Variants in CUX1 observed in about 807,000 individuals in gnomAD.
The protein encoded by CUX1 is protein CASP.
A neutral mutation model predicts 158.8 loss-of-function variants in CUX1; 31 were observed. That is an observed-to-expected ratio of 0.20 (90% CI 0.15 to 0.26). The LOEUF (loss-of-function observed/expected upper bound fraction) is 0.26, where lower values mean the gene tolerates loss of function less well. Ranked by LOEUF, CUX1 falls within the 10% of genes least tolerant of loss-of-function variation. The probability of loss-of-function intolerance (pLI) is 1.00; values close to 1 mark genes in which losing one functional copy is unlikely to be tolerated. For missense variants in CUX1, 1,589 were observed against 2,014.6 expected (o/e 0.79, Z 4.04); for synonymous variants, 879 against 862.1 (o/e 1.02, Z -0.34).
At chr7:102,044,457 C>T (rs1208318946) in intron 3 of CUX1, among the ~76,000 whole-genome samples, 6 of 151,102 alleles carry the variant, frequency 4.0e-5, no homozygotes, top group Admixed American at 3.3e-4. Context: ...CCCAAAGTGC[C>T]GGGATTACAG....
chr7:102,014,375 A>C lies in CUX1; in HGVS notation c.142-13723A>C, dbSNP rs578078983. ...AAACAGCACACATCCTGAGAATTGC[A>C]AAGTTGGGCATAGAGATCAATACAA... On this transcript the variant is annotated intron_variant, in intron 2 of 23. Transcript: ENST00000292535. 2.0e-5 allele frequency among the ~76,000 whole-genome samples: 3 copies of C among 152,322 alleles called. No homozygotes were observed. In the South Asian group the frequency reaches 6.2e-4, roughly 32 times the overall value.
intron 1 of CUX1, among the ~76,000 whole-genome samples, chr7:101,915,744 G>A (rs1804117390): frequency 6.6e-6 from 1 of 152,210 alleles, no homozygotes; most frequent in African/African-American, 2.4e-5. Context: ...GGAAGAAGAG[G>A]CGTGGAGCAA....
chr7:102,164,735 T>C (rs1454254572), intron 9 of CUX1, among the ~76,000 whole-genome samples: 1 of 152,224 alleles, frequency 6.6e-6, no homozygotes, highest in African/African-American at 2.4e-5. Flanking sequence ...GGAGTCGAGA[T>C]GTTCACTGTA....
At chr7:102,045,504 G>A (rs566987245) in intron 3 of CUX1, among the ~76,000 whole-genome samples, 5 of 150,690 alleles carry the variant, frequency 3.3e-5, no homozygotes, top group Admixed American at 1.3e-4. Context: ...TTAAAGACCC[G>A]GAGCTGCTTT....
At chr7:102,266,043 A>C (rs1465014939) in intron 14 of CUX1, among the ~76,000 whole-genome samples, 1 of 151,962 alleles carries the variant, frequency 6.6e-6, no homozygotes, top group Non-Finnish European at 1.5e-5. Flanking sequence ...GTCTCTACTA[A>C]AAATACAAAA....
chr7:102,252,644 T>C lies in CUX1; in HGVS notation c.*3602T>C. 1.0e-6 allele frequency: 1 copy of C among 985,412 alleles called. No homozygotes were observed. The highest frequency in any genetic ancestry group is 4.7e-5 in the South Asian group (1 of 21,288). The allele number at this position is 985,412 out of a possible 1,614,324, so 61.0% of individuals were successfully genotyped here. A position where few individuals can be genotyped will look rare whatever the true frequency, so the allele number is the denominator to read the frequency against. On this transcript the variant is annotated 3_prime_UTR_variant, in exon 24 of 24. Transcript: ENST00000292535. ...CCCGGAGTTCCGGCCCAAGCTCCCT[T>C]GTGATAGCCGAGATGGCAGGTGTGT...
rs535486140 is a variant in CUX1, at chr7:101,904,934, C to A, written c.31-11181C>A. Among the ~76,000 whole-genome samples the A allele has an allele frequency of 1.1e-4, 17 of 152,298 alleles. No individual in the cohort carries two copies. The South Asian group carries it at 3.3e-3, about 30-fold the overall frequency. ...TACGAGGTGGAGTCAGATTGAATAG[C>A]AAGAGGAAGAGAAACTGACATCCAC... On this transcript the variant is annotated intron_variant, in intron 1 of 23. Coordinates refer to ENST00000292535, the MANE Select transcript of CUX1 (RefSeq NM_181552.4).
chr7:101,821,628 G>A (rs966643013), intron 1 of CUX1, among the ~76,000 whole-genome samples: 18 of 146,558 alleles, frequency 1.2e-4, no homozygotes, highest in African/African-American at 2.0e-4. Flanking sequence ...GTGAGCCACC[G>A]TGCCCGGCCC....
chr7:101,994,847 T>C (rs1815632573), intron 2 of CUX1, among the ~76,000 whole-genome samples: 1 of 147,090 alleles, frequency 6.8e-6, no homozygotes, highest in Non-Finnish European at 1.5e-5. Flanking sequence ...CCCAGCACTT[T>C]GGAAGGCTGA....
chr7:101,860,655 T>C (rs145581687), intron 1 of CUX1, among the ~76,000 whole-genome samples: 149 of 152,206 alleles, frequency 9.8e-4, no homozygotes, highest in Admixed American at 3.3e-3. Flanking sequence ...TCTGTCTGTC[T>C]TTCCTTCCTT....
chr7:101,932,351 A>G (rs1585019339), intron 2 of CUX1: 4 of 311,898 alleles, frequency 1.3e-5, no homozygotes, highest in Non-Finnish European at 1.9e-5. Flanking sequence ...TCAAAGTGCC[A>G]GGAACCCATA....
intron 10 of CUX1, 66 bp downstream of exon 10, chr7:102,170,616 C>T: frequency 9.1e-7 from 1 of 1,098,456 alleles, no homozygotes; most frequent in Non-Finnish European, 1.3e-6. Flanking sequence ...GTTACAGCCG[C>T]TTGCTCCTTT....
At chr7:102,162,597 A>G (rs550349351) in intron 9 of CUX1, among the ~76,000 whole-genome samples, 2 of 152,238 alleles carry the variant, frequency 1.3e-5, no homozygotes, top group African/African-American at 4.8e-5. Flanking sequence ...TTTTTAGTAG[A>G]GATAACTCCT....
chr7:102,079,838 T>C (rs1563214227), intron 4 of CUX1, among the ~76,000 whole-genome samples: 1 of 152,150 alleles, frequency 6.6e-6, no homozygotes, highest in Non-Finnish European at 1.5e-5. Flanking sequence ...CTGACTCCTG[T>C]CCAGGATACA....
At chr7:101,928,386 T>C (rs1805874768) in intron 2 of CUX1, among the ~76,000 whole-genome samples, 1 of 151,168 alleles carries the variant, frequency 6.6e-6, no homozygotes, top group Non-Finnish European at 1.5e-5. Flanking sequence ...TTTTTTTTTT[T>C]TTGAGATGGA....
At chr7:101,889,404 T>G (rs1344925263) in intron 1 of CUX1, among the ~76,000 whole-genome samples, 7 of 152,182 alleles carry the variant, frequency 4.6e-5, no homozygotes, top group Non-Finnish European at 7.3e-5. Context: ...TGGAAAACAC[T>G]TTTACTTACT....
chr7:102,038,255 A>C (rs1432673027), intron 3 of CUX1, among the ~76,000 whole-genome samples: 2 of 152,320 alleles, frequency 1.3e-5, no homozygotes, highest in African/African-American at 2.4e-5. Flanking sequence ...AGGGCTGTGC[A>C]TCCCACCGTT....
intron 1 of CUX1, among the ~76,000 whole-genome samples, chr7:101,825,314 T>C (rs1793133315): frequency 6.6e-6 from 1 of 152,218 alleles, no homozygotes; most frequent in African/African-American, 2.4e-5. Context: ...AATTGCTTTA[T>C]TTCAGCCGTA....
chr7:102,204,442 C>A lies in CUX1; in HGVS notation c.2959C>A (p.Pro987Thr). ...SVSDMLSRPK[P>T]WSKLTQKGRE... ...CAGCGACATGCTGTCCCGACCGAAG[C>A]CATGGAGCAAGCTGACGCAGAAAGG... The change falls in exon 19 of 24, where the codon CCA (proline) becomes ACA (threonine). Residue 987 changes from proline (P) to threonine (T), a missense_variant. Around this residue, in one of 8 missense-constraint regions of CUX1, gnomAD observed 29 missense variants for 66.6 expected, o/e 0.44. Coordinates refer to ENST00000292535, the MANE Select transcript of CUX1 (RefSeq NM_181552.4). 6.2e-7 allele frequency: 1 copy of A among 1,613,740 alleles called. No individual in the cohort carries two copies. Among genetic ancestry groups the A allele is most frequent in the Non-Finnish European group, 8.5e-7 (1 of 1,180,040 alleles).
Sources: allele counts gnomAD v4.1 joint callset (sites outside exome capture counted in the v4.1 genomes callset), GRCh38; gene constraint gnomAD v4.1.1; regional missense constraint gnomAD v4.1.1; transcripts MANE v1.5; gene names NCBI Gene and HGNC (gene_info 2026-07-23, HGNC 2026-07-21).